The following LOC112694756 variants were observed in gnomAD, a reference collection of about 807,000 sequenced individuals.
the LOC112694756 span, among the ~76,000 whole-genome samples, chr16:30,063,216 T>C: frequency 6.6e-6 from 1 of 152,130 alleles, no homozygotes; most frequent in African/African-American, 2.4e-5. Flanking sequence ...AAATCATTCA[T>C]GAATGCGGTC....
chr16:30,061,986 T>C, the LOC112694756 span, among the ~76,000 whole-genome samples: 2 of 150,518 alleles, frequency 1.3e-5, no homozygotes, highest in African/African-American at 2.4e-5. Context: ...GCGGATCACC[T>C]GAGGTCAGGA....
the LOC112694756 span, chr16:30,066,865 C>T: frequency 1.8e-5 from 28 of 1,544,672 alleles, no homozygotes; most frequent in East Asian, 7.4e-5. Flanking sequence ...TAAAATACTC[C>T]GGTTCGGTTT....
chr16:30,064,132 G>A, the LOC112694756 span: 6 of 395,900 alleles, frequency 1.5e-5, no homozygotes, highest in Non-Finnish European at 2.2e-5. Flanking sequence ...AGTTGGGCAG[G>A]GGGGTGGCGC....
At chr16:30,068,576 C>G in the LOC112694756 span, 34 of 1,550,834 alleles carry the variant, frequency 2.2e-5, no homozygotes, top group Non-Finnish European at 2.8e-5. Flanking sequence ...GTACTCCAGC[C>G]GGGGCGACAG....
At chr16:30,065,504 G>C in the LOC112694756 span, among the ~76,000 whole-genome samples, 1 of 152,332 alleles carries the variant, frequency 6.6e-6, no homozygotes, top group East Asian at 1.9e-4. Flanking sequence ...GAGCGCGCCA[G>C]GCTGGGGGAA....
At chr16:30,064,453 C>T in the LOC112694756 span, 1 of 398,700 alleles carries the variant, frequency 2.5e-6, no homozygotes. Flanking sequence ...TTTCTCTTGA[C>T]AACCAAGGGC....
At chr16:30,057,170 A>G in the LOC112694756 span, among the ~76,000 whole-genome samples, 1 of 151,894 alleles carries the variant, frequency 6.6e-6, no homozygotes. Context: ...TCGGCCTCCT[A>G]AAGTGCTGGA....
chr16:30,066,953 C>G, the LOC112694756 span: 1 of 1,551,460 alleles, frequency 6.4e-7, no homozygotes, highest in Non-Finnish European at 8.7e-7. Flanking sequence ...CTGTCCATGG[C>G]TATGGCCTTT....
At chr16:30,068,965 G>A in the LOC112694756 span, 1 of 1,614,250 alleles carries the variant, frequency 6.2e-7, no homozygotes, top group Non-Finnish European at 8.5e-7. Flanking sequence ...CGTTATGCCA[G>A]TATCTGCCAG....
the LOC112694756 span, among the ~76,000 whole-genome samples, chr16:30,062,416 C>T: frequency 4.0e-5 from 6 of 151,606 alleles, no homozygotes; most frequent in South Asian, 2.1e-4. Flanking sequence ...CCTGTAATCC[C>T]AGCTACTTGG....
At chr16:30,055,614 T>G in the LOC112694756 span, among the ~76,000 whole-genome samples, 2 of 152,154 alleles carry the variant, frequency 1.3e-5, no homozygotes, top group African/African-American at 2.4e-5. Context: ...AAATGAAAGT[T>G]AGCTAAATGA....
At chr16:30,054,746 C>T in the LOC112694756 span, 10 of 399,432 alleles carry the variant, frequency 2.5e-5, no homozygotes, top group Middle Eastern at 6.3e-4. Flanking sequence ...CAGCCCCTCT[C>T]CATCTCCTTG....
chr16:30,068,501 G>T, the LOC112694756 span: 1 of 873,598 alleles, frequency 1.1e-6, no homozygotes, highest in African/African-American at 2.0e-5. Context: ...TACCTAGGAG[G>T]CTGAGGCGGG....
the LOC112694756 span, chr16:30,068,229 AT>A: frequency 1.8e-4 from 58 of 316,454 alleles, no homozygotes; most frequent in Middle Eastern, 1.2e-3. Flanking sequence ...CACCCGGCTA[AT>A]TTTTTTTGTA....
chr16:30,067,282 C>G, the LOC112694756 span: 7 of 1,612,576 alleles, frequency 4.3e-6, no homozygotes, highest in Non-Finnish European at 5.1e-6. Flanking sequence ...AGCACTGACC[C>G]CGGAGCAGAA....
chr16:30,060,485 C>A, the LOC112694756 span, among the ~76,000 whole-genome samples: 1 of 152,052 alleles, frequency 6.6e-6, no homozygotes, highest in Non-Finnish European at 1.5e-5. Context: ...AACAGTCTTG[C>A]GGAGTCCTTG....
the LOC112694756 span, among the ~76,000 whole-genome samples, chr16:30,056,117 T>G: frequency 0.012 from 1,703 of 147,838 alleles, 30 homozygotes; most frequent in African/African-American, 0.04. Context: ...TTTTTTTTTT[T>G]TTTTTTTTTT....
At chr16:30,061,200 C>T in the LOC112694756 span, among the ~76,000 whole-genome samples, 1 of 152,254 alleles carries the variant, frequency 6.6e-6, no homozygotes, top group African/African-American at 2.4e-5. Context: ...GACCAGTTCT[C>T]CCTTCTTGTC....
chr16:30,056,899 C>A, the LOC112694756 span, among the ~76,000 whole-genome samples: 4 of 150,758 alleles, frequency 2.7e-5, no homozygotes, highest in African/African-American at 9.8e-5. Flanking sequence ...CCATGCCCAG[C>A]CTCTACTTGC....
Sources: allele counts gnomAD v4.1 joint callset (sites outside exome capture counted in the v4.1 genomes callset), GRCh38; gene constraint gnomAD v4.1.1; transcripts MANE v1.5.